The following MAPK8 variants were observed in gnomAD, a reference collection of about 807,000 sequenced individuals.
MAPK8 encodes the protein mitogen-activated protein kinase 8.
A neutral mutation model predicts 52.9 loss-of-function variants in MAPK8; 13 were observed. That is an observed-to-expected ratio of 0.25 (90% CI 0.16 to 0.39). The LOEUF (loss-of-function observed/expected upper bound fraction) is 0.39, where lower values mean the gene tolerates loss of function less well. Among genes scored for constraint, MAPK8 ranks in the 10% least tolerant of loss-of-function variants. The pLI is 1.00. For synonymous variants in MAPK8, 191 were observed against 169.8 expected, an observed-to-expected ratio of 1.12 and a Z score of -0.97; for missense variants, 300 against 519.2, an observed-to-expected ratio of 0.58 and a Z score of 4.10.
rs2045080650 is a variant in MAPK8 at position 48,438,958 on chromosome 10, T to C, written c.*3929T>C. 6.6e-6 allele frequency: 1 copy of C among 152,226 alleles called. No homozygotes were observed. Among genetic ancestry groups the C allele is most frequent in the South Asian group, 2.1e-4 (1 of 4,830 alleles). The allele number at this position is 152,226 out of a possible 1,614,324, so 9.4% of individuals were successfully genotyped here. On this transcript the variant is annotated 3_prime_UTR_variant, in exon 12 of 12. Coordinates refer to ENST00000374189, the MANE Select transcript of MAPK8 (RefSeq NM_001323329.2). ...ACTTTTGTAGGCCCAATATTTGGTA[T>C]ATTTTTGAGAAGCTGTTAATCTTTT...
intron 2 of MAPK8, among the ~76,000 whole-genome samples, chr10:48,402,570 C>T (rs1294315454): frequency 6.6e-6 from 1 of 152,160 alleles, no homozygotes; most frequent in Non-Finnish European, 1.5e-5. Context: ...AGTTCTGATA[C>T]TGATTGCAGA....
intron 1 of MAPK8, among the ~76,000 whole-genome samples, chr10:48,363,567 T>G (rs1175470911): frequency 6.6e-6 from 1 of 152,262 alleles, no homozygotes; most frequent in Non-Finnish European, 1.5e-5. Flanking sequence ...TTCCTCGATA[T>G]CTACTTGTTA....
intron 1 of MAPK8, among the ~76,000 whole-genome samples, chr10:48,308,938 ATGAGT>A (rs1217346816): frequency 2.6e-5 from 4 of 152,248 alleles, no homozygotes; most frequent in Admixed American, 2.6e-4. Context: ...AGAATATGAA[ATGAGT>A]TAACTAATGA....
chr10:48,414,648 C>CT (rs1430898855), intron 5 of MAPK8, among the ~76,000 whole-genome samples: 1 of 142,684 alleles, frequency 7.0e-6, no homozygotes, highest in Non-Finnish European at 1.5e-5. Flanking sequence ...ATGAACATGG[C>CT]TTACTGCAGC....
At chr10:48,322,988 C>T (rs1843136487) in intron 1 of MAPK8, among the ~76,000 whole-genome samples, 2 of 151,982 alleles carry the variant, frequency 1.3e-5, no homozygotes, top group Admixed American at 6.6e-5. Context: ...TTAAGGAAAG[C>T]GATTTGTTAG....
At chr10:48,351,316 A>G (rs1163849297) in intron 1 of MAPK8, among the ~76,000 whole-genome samples, 2 of 134,910 alleles carry the variant, frequency 1.5e-5, no homozygotes, top group South Asian at 4.5e-4. Flanking sequence ...TCTGTCACCC[A>G]GGCTGGAGTG....
intron 6 of MAPK8, among the ~76,000 whole-genome samples, chr10:48,421,983 CA>C (rs553947825): frequency 8.3e-4 from 126 of 151,164 alleles, no homozygotes; most frequent in African/African-American, 2.8e-3. Context: ...CTTTTAATGA[CA>C]CCTCACACTC....
At chr10:48,425,786 C>T in intron 7 of MAPK8, 102 bp from the exon 8 acceptor site, 1 of 641,478 alleles carries the variant, frequency 1.6e-6, no homozygotes, top group South Asian at 3.1e-5. Flanking sequence ...ACTGCCACAT[C>T]CTTTCTTAGG....
At chr10:48,356,841 C>CAAAAAAAAAAAAAAAAAA (rs869186711) in intron 1 of MAPK8, among the ~76,000 whole-genome samples, 3 of 30,268 alleles carry the variant, frequency 9.9e-5, no homozygotes, top group Non-Finnish European at 2.0e-4. Flanking sequence ...GACTCCGTCT[C>CAAAAAAAAAAAAAAAAAA]AAAAAAAAAA....
At chr10:48,352,890 A>G (rs1846475346) in intron 1 of MAPK8, among the ~76,000 whole-genome samples, 1 of 152,230 alleles carries the variant, frequency 6.6e-6, no homozygotes, top group South Asian at 2.1e-4. Context: ...AAATCTGTGG[A>G]ACTAATAATG....
chr10:48,315,261 A>G (rs1842380367), intron 1 of MAPK8, among the ~76,000 whole-genome samples: 1 of 152,202 alleles, frequency 6.6e-6, no homozygotes, highest in Admixed American at 6.5e-5. Flanking sequence ...TTATTGTGGT[A>G]AAATTATGCA....
chr10:48,427,187 C>T (rs770974898), intron 10 of MAPK8, 44 bp downstream of exon 10: 3 of 1,464,568 alleles, frequency 2.0e-6, no homozygotes, highest in Non-Finnish European at 1.9e-6. Flanking sequence ...GAAGGAGCTT[C>T]TGGTTTTTAT....
intron 1 of MAPK8, among the ~76,000 whole-genome samples, chr10:48,361,789 C>T (rs2132535397): frequency 6.6e-6 from 1 of 152,250 alleles, no homozygotes; most frequent in African/African-American, 2.4e-5. Context: ...TGTCCTTAGT[C>T]TGCATCTTTC....
intron 1 of MAPK8, among the ~76,000 whole-genome samples, chr10:48,338,031 A>T (rs902179281): frequency 7.2e-5 from 11 of 152,152 alleles, no homozygotes; most frequent in African/African-American, 2.7e-4. Flanking sequence ...AGAAGAGCTG[A>T]TACCAATCTT....
intron 1 of MAPK8, among the ~76,000 whole-genome samples, chr10:48,313,658 A>G (rs1396223539): frequency 1.3e-5 from 2 of 152,244 alleles, no homozygotes; most frequent in Non-Finnish European, 2.9e-5. Flanking sequence ...TCATACATAT[A>G]TACAGTACTG....
chr10:48,408,402 C>G (rs1306252598), intron 3 of MAPK8, among the ~76,000 whole-genome samples: 1 of 152,088 alleles, frequency 6.6e-6, no homozygotes, highest in Non-Finnish European at 1.5e-5. Flanking sequence ...AGAGGTTCAC[C>G]TGGAAGATAA....
Position 48,345,977 on chromosome 10 carries a change from T to C in MAPK8, c.-50+39156T>C, listed in dbSNP as rs536048841. 1.1e-3 allele frequency among the ~76,000 whole-genome samples: 174 copies of C among 152,292 alleles called. No homozygotes were observed. In the Middle Eastern group the frequency reaches 0.034, roughly 30 times the overall value. ...ACCTAGACTTTCACAGTGTTTAGGC[T>C]GTAACAAGACAACTCCTCACTCCAT... is the stretch of plus-strand genomic sequence containing the variant. On this transcript the variant is annotated intron_variant, in intron 1 of 11. Coordinates refer to ENST00000374189, the MANE Select transcript of MAPK8 (RefSeq NM_001323329.2).
intron 1 of MAPK8, among the ~76,000 whole-genome samples, chr10:48,401,170 G>A (rs2042140563): frequency 6.6e-6 from 1 of 152,144 alleles, no homozygotes; most frequent in Non-Finnish European, 1.5e-5. Context: ...CCCTCCACTT[G>A]GCACTAAATG....
intron 1 of MAPK8, among the ~76,000 whole-genome samples, chr10:48,362,527 ATTTTCT>A (rs894176551): frequency 1.7e-5 from 2 of 119,906 alleles, no homozygotes; most frequent in African/African-American, 6.3e-5. Context: ...AAAAAACCAC[ATTTTCT>A]TTTTATTAGC....
Sources: allele counts gnomAD v4.1 joint callset (sites outside exome capture counted in the v4.1 genomes callset), GRCh38; gene constraint gnomAD v4.1.1; transcripts MANE v1.5; gene names NCBI Gene and HGNC (gene_info 2026-07-23, HGNC 2026-07-21).